The following IGF2BP1 variants were observed in gnomAD, a reference collection of about 807,000 sequenced individuals.
IGF2BP1 encodes the protein insulin like growth factor 2 mRNA binding protein 1, also known as insulin-like growth factor 2 mRNA-binding protein 1.
Under a neutral mutation model 74.9 loss-of-function variants are expected in IGF2BP1, and 11 were observed. The ratio of observed to expected loss-of-function variants is 0.15; its 90% CI spans 0.09 to 0.24. The LOEUF (loss-of-function observed/expected upper bound fraction) is 0.24. Among genes scored for constraint, IGF2BP1 ranks in the 10% least tolerant of loss-of-function variants. IGF2BP1 has a pLI of 1.00. For synonymous variants in IGF2BP1, 287 were observed against 281.8 expected (o/e 1.02, Z -0.18); for missense variants, 440 against 757.4 (o/e 0.58, Z 4.92).
chr17:49,042,444 C>T (rs978383774), intron 9 of IGF2BP1, 67 bp downstream of exon 9: 1 of 1,574,812 alleles, frequency 6.3e-7, no homozygotes, highest in Non-Finnish European at 8.7e-7. Flanking sequence ...TTGTGGGGTG[C>T]AGGGTGATGG....
intron 4 of IGF2BP1, among the ~76,000 whole-genome samples, chr17:49,030,314 G>C (rs1011407489): frequency 1.3e-5 from 2 of 151,870 alleles, no homozygotes; most frequent in African/African-American, 4.8e-5. Context: ...GCTAATTTTT[G>C]TATTTTCAGT....
chr17:49,019,946 A>ATT (rs1260667054), intron 2 of IGF2BP1, among the ~76,000 whole-genome samples: 1 of 42,320 alleles, frequency 2.4e-5, no homozygotes, highest in Non-Finnish European at 4.7e-5. Context: ...ATATATATAT[A>ATT]TATTTATATA....
At chr17:49,002,690 T>G (rs1459860421) in intron 2 of IGF2BP1, among the ~76,000 whole-genome samples, 1 of 151,654 alleles carries the variant, frequency 6.6e-6, no homozygotes, top group Non-Finnish European at 1.5e-5. Context: ...TTATTAATAT[T>G]AGGTTAGAAT....
At chr17:49,042,075 T>C (rs1192723799) in intron 8 of IGF2BP1, among the ~76,000 whole-genome samples, 167 bp from the exon 9 acceptor site, 1 of 152,174 alleles carries the variant, frequency 6.6e-6, no homozygotes, top group Non-Finnish European at 1.5e-5. Context: ...CCTGCCCTGG[T>C]TACAAACTGG....
chr17:48,998,395 G>A (rs2041436207), intron 1 of IGF2BP1, among the ~76,000 whole-genome samples: 1 of 152,242 alleles, frequency 6.6e-6, no homozygotes, highest in Admixed American at 6.5e-5. Flanking sequence ...TGTCCGCTTC[G>A]CGTGGGGAAT....
chr17:49,034,821 G>A (rs1168605972), intron 5 of IGF2BP1, among the ~76,000 whole-genome samples: 1 of 151,922 alleles, frequency 6.6e-6, no homozygotes, highest in Non-Finnish European at 1.5e-5. Flanking sequence ...CCACAGAGGT[G>A]GATTCAACCA....
Position 49,050,978 on chromosome 17 carries a change from A to G in IGF2BP1, c.*1534A>G, listed in dbSNP as rs1265126788. ...GGCCTCTCTACATATGGAAAAGCCC[A>G]TGCGTGGAGTTCCCCTCCTTTCAAC... On this transcript the variant is annotated 3_prime_UTR_variant, in exon 15 of 15. Coordinates refer to ENST00000290341, the MANE Select transcript of IGF2BP1 (RefSeq NM_006546.4). The G allele has an allele frequency of 6.6e-6, 1 of 152,628 alleles. No homozygotes were observed. The highest frequency in any genetic ancestry group is 1.5e-5 in the Non-Finnish European group (1 of 68,042). The allele number at this position is 152,628 out of a possible 1,614,324, so 9.5% of individuals were successfully genotyped here.
At chr17:49,000,319 G>A (rs533412058) in intron 2 of IGF2BP1, among the ~76,000 whole-genome samples, 4 of 152,196 alleles carry the variant, frequency 2.6e-5, no homozygotes, top group African/African-American at 7.2e-5. Flanking sequence ...ACCATTAAGA[G>A]GGCCTAGAAA....
Position 48,997,537 on chromosome 17 carries a change from C to T in IGF2BP1, c.-209C>T, listed in dbSNP as rs1598115516. On this transcript the variant is annotated 5_prime_UTR_variant, in exon 1 of 15. Transcript: ENST00000290341. This position sits in a 1 kb window ranked among gnomAD's most constrained non-coding sequence, Gnocchi z 4.8. ...CTCCCTGCGCGCCGCGGGCACTTCT[C>T]CTGGGCTCTCCCCGAACTCTCCCGC... The T allele has an allele frequency of 3.5e-6, 2 of 574,664 alleles. No individual in the cohort carries two copies. Among genetic ancestry groups the T allele is most frequent in the East Asian group, 3.0e-5 (1 of 33,150 alleles). The allele number at this position is 574,664 out of a possible 1,614,324, so 35.6% of individuals were successfully genotyped here.
chr17:48,999,957 TGTG>T (rs1187058278), intron 2 of IGF2BP1, among the ~76,000 whole-genome samples: 1 of 151,150 alleles, frequency 6.6e-6, no homozygotes, highest in African/African-American at 2.4e-5. Flanking sequence ...TGTGTGTGTG[TGTG>T]TGTTCGTGTG....
At chr17:49,003,368 G>C (rs1018536823) in intron 2 of IGF2BP1, among the ~76,000 whole-genome samples, 5 of 152,170 alleles carry the variant, frequency 3.3e-5, no homozygotes, top group Admixed American at 1.3e-4. Flanking sequence ...AGTCTACTGA[G>C]TATACAATTT....
intron 5 of IGF2BP1, among the ~76,000 whole-genome samples, chr17:49,032,342 T>TC (rs1167632977): frequency 6.6e-6 from 1 of 152,016 alleles, no homozygotes; most frequent in African/African-American, 2.4e-5. Context: ...CATGGCGCCA[T>TC]CTAGTGATAA....
At chr17:49,000,150 A>G (rs1433818756) in intron 2 of IGF2BP1, among the ~76,000 whole-genome samples, 1 of 152,094 alleles carries the variant, frequency 6.6e-6, no homozygotes, top group Non-Finnish European at 1.5e-5. Context: ...AAACATGTTG[A>G]CAGTGTAGAG....
Position 49,049,668 on chromosome 17 carries a change from C to G in IGF2BP1, c.*224C>G, listed in dbSNP as rs147679490. 52 of 499,940 alleles carry G rather than the reference C, an allele frequency of 1.0e-4. No individual in the cohort carries two copies. The highest frequency in any genetic ancestry group is 1.7e-4 in the Non-Finnish European group (48 of 278,328). The allele number at this position is 499,940 out of a possible 1,614,324, so 31.0% of individuals were successfully genotyped here. On this transcript the variant is annotated 3_prime_UTR_variant, in exon 15 of 15. Coordinates refer to ENST00000290341, the MANE Select transcript of IGF2BP1 (RefSeq NM_006546.4). The stretch of plus-strand genomic sequence containing the variant: ...CAACACTGTCTGCCCCTCGGGGTGT[C>G]AGAAATTCTAGCGCAAGGCACTTTT...
chr17:48,998,625 G>A (rs1400117033), intron 1 of IGF2BP1, among the ~76,000 whole-genome samples: 8 of 152,148 alleles, frequency 5.3e-5, no homozygotes, highest in African/African-American at 1.9e-4. Context: ...GCTCCCCCAG[G>A]TCCACCCCTT....
rs184604161 is a variant in IGF2BP1 at position 49,030,741 on chromosome 17, C to T, written c.338-1169C>T. Among the ~76,000 whole-genome samples, 356 of 152,190 alleles carry T rather than the reference C, an allele frequency of 2.3e-3. 1 individual carries two copies. Among genetic ancestry groups the T allele is most frequent in the African/African-American group, 8.2e-3 (339 of 41,520 alleles). On this transcript the variant is annotated intron_variant, in intron 4 of 14. Coordinates refer to ENST00000290341, the MANE Select transcript of IGF2BP1 (RefSeq NM_006546.4). The stretch of plus-strand genomic sequence containing the variant: ...TCCCGGGTTCAAGCGATTCTCCTGC[C>T]TCAGCCTCCCAAGTAGCTGGGACTA...
At chr17:49,040,996 T>C (rs2042046427) in intron 7 of IGF2BP1, among the ~76,000 whole-genome samples, 1 of 152,052 alleles carries the variant, frequency 6.6e-6, no homozygotes, top group Admixed American at 6.6e-5. Flanking sequence ...CTGGGCAACA[T>C]AGTGAAACCT....
At chr17:49,013,216 T>C (rs1300041433) in intron 2 of IGF2BP1, among the ~76,000 whole-genome samples, 1 of 144,780 alleles carries the variant, frequency 6.9e-6, no homozygotes, top group Non-Finnish European at 1.5e-5. Flanking sequence ...TGAAAGGTCA[T>C]TCTCACCCCC....
intron 2 of IGF2BP1, among the ~76,000 whole-genome samples, chr17:49,003,348 C>G (rs2041507901): frequency 6.6e-6 from 1 of 152,056 alleles, no homozygotes; most frequent in Non-Finnish European, 1.5e-5. Flanking sequence ...GACAAAGATA[C>G]TATTGAGGTA....
Sources: allele counts gnomAD v4.1 joint callset (sites outside exome capture counted in the v4.1 genomes callset), GRCh38; gene constraint gnomAD v4.1.1; non-coding constraint Gnocchi (gnomAD v3.1); transcripts MANE v1.5; gene names NCBI Gene and HGNC (gene_info 2026-07-23, HGNC 2026-07-21).